Variants in DLEC1 observed in about 807,000 individuals in gnomAD.
DLEC1 encodes deleted in lung and esophageal cancer protein 1.
In DLEC1, 146 loss-of-function variants were observed where a neutral mutation model predicts 198.1. The ratio of observed to expected loss-of-function variants is 0.74; its 90% CI spans 0.64 to 0.85. DLEC1 has a LOEUF of 0.85. DLEC1 is among the 40% of genes least tolerant of loss of function. The pLI, the probability that DLEC1 is intolerant of heterozygous loss-of-function variation, is 0.00. For synonymous variants in DLEC1, 897 were observed against 866.8 expected (o/e 1.03, Z -0.61); for missense variants, 2,233 against 2,220.0 (o/e 1.01, Z -0.12).
At chr3:38,100,160 C>G in intron 18 of DLEC1, 126 bp from the exon 19 acceptor site, 3 of 1,236,552 alleles carry the variant, frequency 2.4e-6, no homozygotes, top group Non-Finnish European at 3.3e-6. Context: ...GTTTCTGGAT[C>G]CCAGATGGCT....
At chr3:38,094,759 G>T in intron 12 of DLEC1, 120 bp from the exon 13 acceptor site, 1 of 1,203,940 alleles carries the variant, frequency 8.3e-7, no homozygotes, top group Non-Finnish European at 1.2e-6. Flanking sequence ...GGCTGACCTG[G>T]TTTCTTCCTG....
At chr3:38,046,433 T>G (rs1168621757) in intron 2 of DLEC1, among the ~76,000 whole-genome samples, 1 of 152,176 alleles carries the variant, frequency 6.6e-6, no homozygotes, top group Non-Finnish European at 1.5e-5. Context: ...GATGGTTTTA[T>G]AAAGGGCAAT....
chr3:38,079,561 C>T (rs1432703133), intron 6 of DLEC1, among the ~76,000 whole-genome samples: 2 of 152,196 alleles, frequency 1.3e-5, no homozygotes, highest in Non-Finnish European at 2.9e-5. Context: ...CCAAGAAGAC[C>T]TGGGAAGGAG....
chr3:38,088,222 G>T, intron 9 of DLEC1, 74 bp from the exon 10 acceptor site: 2 of 1,321,118 alleles, frequency 1.5e-6, no homozygotes, highest in Non-Finnish European at 2.2e-6. Flanking sequence ...ATGTTTGAAG[G>T]AGAGAAGTTT....
Position 38,122,643 on chromosome 3 carries a change from GA to G in DLEC1, c.*232del. On this transcript the variant is annotated 3_prime_UTR_variant, in exon 37 of 37. Transcript: ENST00000308059. ...ACCACAGCAGAGACCACCACATTGA[GA>G]TCACTACTCAGTGCATAGCGAAGAC... is the stretch of plus-strand genomic sequence containing the variant. 6.7e-7 allele frequency: 1 copy of G among 1,497,802 alleles called. No individual in the cohort carries two copies. Among genetic ancestry groups the G allele is most frequent in the Non-Finnish European group, 8.9e-7 (1 of 1,128,260 alleles). 92.8% of individuals were successfully genotyped at this position (1,497,802 alleles called of 1,614,324 possible). A position where few individuals can be genotyped will look rare whatever the true frequency, so the allele number is the denominator to read the frequency against.
At chr3:38,096,537 C>T (rs373716508) in intron 14 of DLEC1, 32 bp from the exon 15 acceptor site, 13 of 1,594,212 alleles carry the variant, frequency 8.2e-6, no homozygotes, top group South Asian at 5.7e-5. Flanking sequence ...CCAGGTGTGC[C>T]GGCTCCTAGC....
At chr3:38,079,828 G>T (rs1359724159) in intron 6 of DLEC1, among the ~76,000 whole-genome samples, 1 of 152,190 alleles carries the variant, frequency 6.6e-6, no homozygotes, top group Non-Finnish European at 1.5e-5. Flanking sequence ...GATGTGGCTG[G>T]GGTTTGTCTC....
At chr3:38,077,712 T>C (rs1575155550) in intron 6 of DLEC1, among the ~76,000 whole-genome samples, 1 of 152,074 alleles carries the variant, frequency 6.6e-6, no homozygotes, top group Non-Finnish European at 1.5e-5. Flanking sequence ...AGGCCTCTAC[T>C]TATCTAGTGA....
rs550917554 is a variant in DLEC1 at position 38,077,839 on chromosome 3, A to AG, written c.1174-6314dup. On this transcript the variant is annotated intron_variant, in intron 6 of 36. Transcript: ENST00000308059. ...TTCAAGCTTGATGTGTAGGGAAGGGAGGGGGCCTGAATAATCCCTGAGGAG... is the reference window on the plus strand; with the variant it reads ...TTCAAGCTTGATGTGTAGGGAAGGGAGGGGGGCCTGAATAATCCCTGAGGAG... Among the ~76,000 whole-genome samples, 980 of 151,962 alleles carry AG rather than the reference A, an allele frequency of 6.4e-3. 7 individuals are homozygous for AG. The highest frequency in any genetic ancestry group is 0.022 in the African/African-American group (930 of 41,428).
At chr3:38,049,735 T>C (rs1701027571) in intron 2 of DLEC1, among the ~76,000 whole-genome samples, 1 of 152,246 alleles carries the variant, frequency 6.6e-6, no homozygotes, top group African/African-American at 2.4e-5. Flanking sequence ...GAAAGAATTG[T>C]ATCAGAAGAG....
intron 23 of DLEC1, among the ~76,000 whole-genome samples, chr3:38,110,865 TATAC>T (rs1345687911): frequency 6.6e-6 from 1 of 151,924 alleles, no homozygotes; most frequent in Non-Finnish European, 1.5e-5. Context: ...CATATACACA[TATAC>T]ATACACATGC....
At chr3:38,046,664 T>C (rs995785571) in intron 2 of DLEC1, among the ~76,000 whole-genome samples, 1 of 152,198 alleles carries the variant, frequency 6.6e-6, no homozygotes, top group East Asian at 1.9e-4. Context: ...ATCAGGCACT[T>C]ATGCATGGCC....
At chr3:38,087,200 C>T (rs1698504023) in intron 9 of DLEC1, among the ~76,000 whole-genome samples, 1 of 152,228 alleles carries the variant, frequency 6.6e-6, no homozygotes, top group Admixed American at 6.5e-5. Context: ...GGGGCAGGCC[C>T]TGTGTACCTT....
intron 6 of DLEC1, among the ~76,000 whole-genome samples, chr3:38,077,995 T>C (rs1697728282): frequency 6.6e-6 from 1 of 152,140 alleles, no homozygotes; most frequent in African/African-American, 2.4e-5. Context: ...TTTGCTGGTG[T>C]GTGGCGATTA....
At chr3:38,053,955 C>G (rs1042308877) in intron 2 of DLEC1, among the ~76,000 whole-genome samples, 1 of 152,058 alleles carries the variant, frequency 6.6e-6, no homozygotes, top group African/African-American at 2.4e-5. Context: ...GGATTAAGGG[C>G]GGTGCAAGAT....
At chr3:38,061,353 G>T (rs563168214) in intron 3 of DLEC1, among the ~76,000 whole-genome samples, 1 of 151,982 alleles carries the variant, frequency 6.6e-6, no homozygotes, top group East Asian at 1.9e-4. Context: ...TAATTTTTTT[G>T]TATTTTTAGT....
chr3:38,066,952 G>A (rs1697061267), intron 6 of DLEC1, among the ~76,000 whole-genome samples: 1 of 152,204 alleles, frequency 6.6e-6, no homozygotes, highest in African/African-American at 2.4e-5. Context: ...ACACCCAGAG[G>A]AAAGGAGCTA....
intron 6 of DLEC1, among the ~76,000 whole-genome samples, chr3:38,076,706 T>TG (rs1164584256): frequency 1.3e-5 from 2 of 152,366 alleles, no homozygotes; most frequent in East Asian, 3.9e-4. Context: ...TCACAGGGGA[T>TG]GCAATGTCTT....
Position 38,120,604 on chromosome 3 carries a change from A to G in DLEC1, c.4861A>G (p.Thr1621Ala), listed in dbSNP as rs370526582. The G allele has an allele frequency of 9.9e-6, 16 of 1,612,884 alleles. No homozygotes were observed. In the African/African-American group the frequency reaches 1.9e-4, roughly 19 times the overall value. ...GCTCCTGGAGTACACCAACCAGACC[A>G]CTCAGGCACGCCCCAGGCCCACCTA... ...NLLLEYTNQT[T>A]QVVPLRAVVA... The change falls in exon 34 of 37, where the codon ACT becomes GCT. Residue 1621 changes from threonine (T) to alanine (A), a missense_variant. By Grantham distance (58) the Thr-to-Ala change is moderately conservative (BLOSUM62 0). Coordinates refer to ENST00000308059, the MANE Select transcript of DLEC1 (RefSeq NM_007335.4).
Sources: allele counts gnomAD v4.1 joint callset (sites outside exome capture counted in the v4.1 genomes callset), GRCh38; gene constraint gnomAD v4.1.1; transcripts MANE v1.5; gene names NCBI Gene and HGNC (gene_info 2026-07-23, HGNC 2026-07-21).